The following SLCO1B1 variants were observed in gnomAD, a reference collection of about 807,000 sequenced individuals.
SLCO1B1 encodes the protein solute carrier organic anion transporter family member 1B1, also known as OATP-2.
SLCO1B1 carries 81 observed loss-of-function variants against 70.1 expected under a neutral mutation model. The ratio of observed to expected loss-of-function variants is 1.16; its 90% CI spans 0.97 to 1.39. The LOEUF is 1.39. Ranked by LOEUF, SLCO1B1 falls within the 40% of genes most tolerant of loss-of-function variation. SLCO1B1 has a pLI of 0.00. For synonymous variants in SLCO1B1, 283 were observed against 271.5 expected, an observed-to-expected ratio of 1.04 and a Z score of -0.42; for missense variants, 895 against 799.6, an observed-to-expected ratio of 1.12 and a Z score of -1.44.
intron 11 of SLCO1B1, among the ~76,000 whole-genome samples, chr12:21,213,840 C>T (rs1941320788): frequency 6.7e-6 from 1 of 150,310 alleles, no homozygotes; most frequent in South Asian, 2.1e-4. Flanking sequence ...GATACCCTTT[C>T]TTCCAGTTGA....
At chr12:21,139,385 AC>A (rs1302761221) in intron 1 of SLCO1B1, among the ~76,000 whole-genome samples, 1 of 152,124 alleles carries the variant, frequency 6.6e-6, no homozygotes, top group East Asian at 1.9e-4. Context: ...ACATGTACAC[AC>A]ACAAAATGTA....
At chr12:21,136,952 C>G (rs983239234) in intron 1 of SLCO1B1, among the ~76,000 whole-genome samples, 2 of 152,136 alleles carry the variant, frequency 1.3e-5, no homozygotes, top group Non-Finnish European at 2.9e-5. Context: ...TTTTTCTCAT[C>G]TTTGTGGTTT....
At chr12:21,180,173 T>C (rs1245095217) in intron 7 of SLCO1B1, among the ~76,000 whole-genome samples, 1 of 152,160 alleles carries the variant, frequency 6.6e-6, no homozygotes, top group Non-Finnish European at 1.5e-5. Flanking sequence ...CTCATCACCT[T>C]ACCTCCAACC....
At chr12:21,207,973 T>C (rs1377229347) in intron 11 of SLCO1B1, among the ~76,000 whole-genome samples, 3 of 151,908 alleles carry the variant, frequency 2.0e-5, no homozygotes, top group Non-Finnish European at 4.4e-5. Context: ...GTCCTTTGTC[T>C]ACTTTTTAAT....
At chr12:21,228,577 A>G (rs764048512) in intron 14 of SLCO1B1, among the ~76,000 whole-genome samples, 1 of 152,198 alleles carries the variant, frequency 6.6e-6, no homozygotes, top group African/African-American at 2.4e-5. Context: ...GTTGGGCCCA[A>G]TATAACCACA....
intron 7 of SLCO1B1, among the ~76,000 whole-genome samples, chr12:21,185,180 A>G (rs750870072): frequency 6.7e-6 from 1 of 150,080 alleles, no homozygotes; most frequent in Non-Finnish European, 1.5e-5. Flanking sequence ...GACTTCAACA[A>G]CTCACTGACA....
intron 14 of SLCO1B1, among the ~76,000 whole-genome samples, chr12:21,238,103 A>T (rs1941612605): frequency 6.6e-6 from 1 of 152,128 alleles, no homozygotes; most frequent in South Asian, 2.1e-4. Flanking sequence ...TAATTGTCTC[A>T]AAATTTTTAT....
At chr12:21,225,421 C>G (rs1410525560) in intron 14 of SLCO1B1, among the ~76,000 whole-genome samples, 1 of 151,902 alleles carries the variant, frequency 6.6e-6, no homozygotes, top group Non-Finnish European at 1.5e-5. Context: ...TATACTTTAC[C>G]TCTTTAAAAA....
intron 2 of SLCO1B1, among the ~76,000 whole-genome samples, chr12:21,162,016 C>T (rs1940625767): frequency 6.6e-6 from 1 of 151,476 alleles, no homozygotes; most frequent in Admixed American, 6.6e-5. Flanking sequence ...TCAAAAAATA[C>T]ATATAAAATA....
intron 14 of SLCO1B1, among the ~76,000 whole-genome samples, chr12:21,227,783 G>A (rs1941496284): frequency 6.6e-6 from 1 of 151,028 alleles, no homozygotes; most frequent in African/African-American, 2.4e-5. Context: ...CTTTATAATG[G>A]TTTGAGTATA....
chr12:21,170,312 G>C (rs1040572109), intron 2 of SLCO1B1, among the ~76,000 whole-genome samples: 3 of 152,106 alleles, frequency 2.0e-5, no homozygotes, highest in African/African-American at 7.2e-5. Context: ...TTTCTTGCCA[G>C]GTTGTTTTCA....
chr12:21,172,835 A>C (rs1940772677), intron 3 of SLCO1B1, 44 bp downstream of exon 3: 2 of 1,543,656 alleles, frequency 1.3e-6, no homozygotes, highest in Non-Finnish European at 1.8e-6. Flanking sequence ...TGCAAAGTTA[A>C]AAAATATATA....
chr12:21,180,113 C>T lies in SLCO1B1; in HGVS notation c.727+1093C>T, dbSNP rs564713916. ...TCCAGTGCTTCTTCATCCATTTTCC[C>T]TCCTTAGATATCTTATTAGTACCTA... is the stretch of plus-strand genomic sequence containing the variant. On this transcript the variant is annotated intron_variant, in intron 7 of 14. Coordinates refer to ENST00000256958, the MANE Select transcript of SLCO1B1 (RefSeq NM_006446.5). Among the ~76,000 whole-genome samples the T allele has an allele frequency of 7.2e-5, 11 of 152,140 alleles. 1 individual carries two copies. The highest frequency in any genetic ancestry group is 2.6e-4 in the African/African-American group (11 of 41,534).
intron 1 of SLCO1B1, among the ~76,000 whole-genome samples, chr12:21,136,741 T>TG (rs1940228354): frequency 6.6e-6 from 1 of 152,230 alleles, no homozygotes; most frequent in Admixed American, 6.5e-5. Context: ...TCTGATTTTT[T>TG]TTCAAAGCTT....
At chr12:21,155,274 A>G (rs1225425478) in intron 2 of SLCO1B1, among the ~76,000 whole-genome samples, 5 of 151,908 alleles carry the variant, frequency 3.3e-5, no homozygotes, top group African/African-American at 1.2e-4. Context: ...TATGCTTTCA[A>G]TGTTTTAAAT....
At chr12:21,142,070 T>TA (rs4149093) in intron 2 of SLCO1B1, among the ~76,000 whole-genome samples, 113,184 of 147,474 alleles carry the variant, frequency 0.77, 46,981 homozygotes, top group South Asian at 0.93. Context: ...AAAATTCTTT[T>TA]AAAAAAAAAA....
intron 12 of SLCO1B1, 109 bp downstream of exon 12, chr12:21,217,412 A>G: frequency 1.1e-6 from 1 of 889,344 alleles, no homozygotes; most frequent in East Asian, 2.6e-5. Context: ...TATTTCATCA[A>G]ATTTTAATTT....
intron 7 of SLCO1B1, among the ~76,000 whole-genome samples, chr12:21,181,602 A>G (rs192760609): frequency 6.6e-6 from 1 of 152,272 alleles, no homozygotes; most frequent in Non-Finnish European, 1.5e-5. Flanking sequence ...TCGTGCCACA[A>G]ACTTCTGTGG....
intron 2 of SLCO1B1, among the ~76,000 whole-genome samples, chr12:21,156,745 C>T (rs547660287): frequency 2.9e-4 from 44 of 152,076 alleles, no homozygotes; most frequent in African/African-American, 9.2e-4. Flanking sequence ...ATCCAATTTA[C>T]GCATGAGAAA....
Sources: gnomAD v4.1 joint callset for allele counts (sites outside exome capture counted in the v4.1 genomes callset) on GRCh38, gnomAD v4.1.1 for gene constraint, MANE v1.5 for transcripts, NCBI Gene and HGNC (gene_info 2026-07-23, HGNC 2026-07-21) for gene names.